UBE4A: variants seen among roughly 807,000 people sequenced by gnomAD.
UBE4A encodes the protein ubiquitination factor E4A.
Under a neutral mutation model 117.9 loss-of-function variants are expected in UBE4A, and 48 were observed. The observed-to-expected ratio is 0.41, with a 90% CI of 0.32 to 0.52. The LOEUF is 0.52. Among genes scored for constraint, UBE4A ranks in the 20% least tolerant of loss-of-function variants. The probability of loss-of-function intolerance (pLI) is 0.33; values close to 1 mark genes in which losing one functional copy is unlikely to be tolerated. For missense variants in UBE4A, 1,067 were observed against 1,296.3 expected, an observed-to-expected ratio of 0.82 and a Z score of 2.72; for synonymous variants, 407 against 450.0, an observed-to-expected ratio of 0.90 and a Z score of 1.21.
chr11:118,391,386 G>C (rs775928774), intron 18 of UBE4A, among the ~76,000 whole-genome samples: 1 of 151,782 alleles, frequency 6.6e-6, no homozygotes, highest in African/African-American at 2.4e-5. Flanking sequence ...CTACTCGGGA[G>C]GCTGAGGCAG....
chr11:118,374,450 A>G (rs1277913153), intron 8 of UBE4A, among the ~76,000 whole-genome samples: 2 of 152,246 alleles, frequency 1.3e-5, no homozygotes, highest in African/African-American at 4.8e-5. Context: ...ACAACTCTCT[A>G]AGGCAAGGCA....
intron 12 of UBE4A, 57 bp downstream of exon 12, chr11:118,381,580 C>G: frequency 6.3e-7 from 1 of 1,577,010 alleles, no homozygotes; most frequent in Non-Finnish European, 8.6e-7. Flanking sequence ...ATTCAGAAGA[C>G]TTCTAAACCA....
chr11:118,396,093 CAAAAAAAA>C (rs377030115), intron 19 of UBE4A, among the ~76,000 whole-genome samples: 1 of 80,686 alleles, frequency 1.2e-5, no homozygotes, highest in African/African-American at 4.5e-5. Context: ...AGACTGTCTC[CAAAAAAAA>C]AAAAAAAAGA....
At chr11:118,381,040 G>C (rs1186540139) in intron 11 of UBE4A, among the ~76,000 whole-genome samples, 2 of 152,174 alleles carry the variant, frequency 1.3e-5, no homozygotes, top group African/African-American at 4.8e-5. Context: ...GACCATCCTG[G>C]AGTCTGGCTA....
At chr11:118,385,578 T>G (rs34626121) in intron 15 of UBE4A, among the ~76,000 whole-genome samples, 17 of 152,176 alleles carry the variant, frequency 1.1e-4, no homozygotes, top group African/African-American at 3.9e-4. Context: ...CCTTCCCTGG[T>G]GGAACTGCTT....
chr11:118,373,121 A>G lies in UBE4A; in HGVS notation c.757A>G (p.Ile253Val), dbSNP rs1948622472. Residue 253 changes from isoleucine to valine, a missense_variant, in exon 7 of 20, where the codon ATT becomes GTT. Ile to Val is a conservative substitution (Grantham distance 29, BLOSUM62 3). Around this residue, in one of 3 missense-constraint regions of UBE4A, gnomAD observed 1,001 missense variants for 1,184.0 expected, o/e 0.85. Transcript: ENST00000252108. ...EDVTEFLEEV[I>V]EALILDEEVR... ...TGTAACTGAGTTTCTGGAAGAGGTC[A>G]TTGAAGCCTTGATATTGGATGAGGA... The G allele has an allele frequency of 1.2e-6, 2 of 1,614,114 alleles. No homozygotes were observed. Among genetic ancestry groups the G allele is most frequent in the Non-Finnish European group, 1.7e-6 (2 of 1,180,014 alleles).
At chr11:118,368,850 T>C (rs752370417) in intron 3 of UBE4A, 46 bp downstream of exon 3, 2 of 1,600,848 alleles carry the variant, frequency 1.2e-6, no homozygotes, top group East Asian at 2.2e-5. Context: ...CTATTTGAGC[T>C]TGGGCTAGGG....
chr11:118,369,151 G>A (rs534523293), intron 3 of UBE4A, among the ~76,000 whole-genome samples: 1 of 152,162 alleles, frequency 6.6e-6, no homozygotes, highest in Non-Finnish European at 1.5e-5. Context: ...TTTGCCCTCT[G>A]TGCCCTGTCT....
chr11:118,386,844 A>G (rs1219470993), intron 16 of UBE4A, among the ~76,000 whole-genome samples: 2 of 152,256 alleles, frequency 1.3e-5, no homozygotes, highest in South Asian at 2.1e-4. Flanking sequence ...ATAAGGTGGT[A>G]AAATCTTTCT....
At chr11:118,376,474 T>C in intron 9 of UBE4A, 100 bp from the exon 10 acceptor site, 2 of 1,453,260 alleles carry the variant, frequency 1.4e-6, no homozygotes, top group Non-Finnish European at 1.8e-6. Context: ...GATATGTTTT[T>C]AAGAAGATAT....
intron 2 of UBE4A, 90 bp downstream of exon 2, chr11:118,365,291 G>A: frequency 1.4e-6 from 2 of 1,424,742 alleles, no homozygotes; most frequent in South Asian, 3.1e-5. Context: ...ATTGCAATTG[G>A]AATTTAAGTT....
At chr11:118,375,898 G>A (rs545286459) in intron 9 of UBE4A, among the ~76,000 whole-genome samples, 1 of 152,294 alleles carries the variant, frequency 6.6e-6, no homozygotes, top group African/African-American at 2.4e-5. Flanking sequence ...CACAGAGGAG[G>A]GAGTAAATAA....
At chr11:118,369,164 G>C (rs757286368) in intron 3 of UBE4A, among the ~76,000 whole-genome samples, 6 of 152,098 alleles carry the variant, frequency 3.9e-5, no homozygotes, top group Non-Finnish European at 7.4e-5. Flanking sequence ...CCCTGTCTGT[G>C]TTTAAACCCC....
chr11:118,384,868 A>G lies in UBE4A; in HGVS notation c.2335A>G (p.Met779Val). 4.3e-6 allele frequency: 7 copies of G among 1,613,526 alleles called. No homozygotes were observed. Among genetic ancestry groups the G allele is most frequent in the Non-Finnish European group, 5.9e-6 (7 of 1,179,896 alleles). The change falls in exon 15 of 20, where the codon ATG becomes GTG. Residue 779 changes from methionine to valine, a missense_variant. Around this residue, in one of 3 missense-constraint regions of UBE4A, gnomAD observed 1,001 missense variants for 1,184.0 expected, o/e 0.85. Transcript: ENST00000252108. ...CTATGCCTCTAAGAATTTAGAAGCC[A>G]TGAATCCCCCACTTTTCCTCCGCTT... The part of the protein sequence containing the change: ...ADYASKNLEA[M>V]NPPLFLRFLN...
intron 1 of UBE4A, among the ~76,000 whole-genome samples, chr11:118,364,452 T>C (rs924115624): frequency 1.3e-5 from 2 of 152,156 alleles, no homozygotes; most frequent in Non-Finnish European, 2.9e-5. Flanking sequence ...AATAGATTGC[T>C]TAATCTATGT....
intron 4 of UBE4A, among the ~76,000 whole-genome samples, chr11:118,370,328 A>G (rs1043818426): frequency 9.9e-5 from 15 of 151,924 alleles, no homozygotes; most frequent in African/African-American, 3.4e-4. Context: ...TTGTGTTGCT[A>G]TAAAAGAATA....
At position 118,396,508 on chromosome 11, in the gene UBE4A, C is replaced by CT. The variant is rs1459771406; in HGVS notation, c.*71dup. The CT allele has an allele frequency of 7.5e-6, 11 of 1,459,518 alleles. No individual in the cohort carries two copies. In the Admixed American group the frequency reaches 2.4e-4, roughly 32 times the overall value. 90.4% of individuals were successfully genotyped at this position (1,459,518 alleles called of 1,614,324 possible). ...ATAAACAATTGTTTGTGGTTTCTCT[C>CT]TTTCTGGTTCTGTTCCTTTTCTTTC... On this transcript the variant is annotated 3_prime_UTR_variant, in exon 20 of 20. Transcript: ENST00000252108.
chr11:118,385,984 A>T (rs1457927017), intron 15 of UBE4A, among the ~76,000 whole-genome samples: 1 of 152,182 alleles, frequency 6.6e-6, no homozygotes, highest in East Asian at 1.9e-4. Context: ...GAGAGTTTTA[A>T]ATAATTATGG....
chr11:118,365,823 A>G (rs536050374), intron 2 of UBE4A, among the ~76,000 whole-genome samples: 1 of 152,332 alleles, frequency 6.6e-6, no homozygotes, highest in South Asian at 2.1e-4. Flanking sequence ...CATCTCAGTA[A>G]TCAGAAAAAA....
Sources: allele counts gnomAD v4.1 joint callset (sites outside exome capture counted in the v4.1 genomes callset), GRCh38; gene constraint gnomAD v4.1.1; regional missense constraint gnomAD v4.1.1; transcripts MANE v1.5; gene names NCBI Gene and HGNC (gene_info 2026-07-23, HGNC 2026-07-21).